Variants in FER1L5 observed in about 807,000 individuals in gnomAD.
FER1L5 encodes fer-1-like protein 5.
Under a neutral mutation model 279.9 loss-of-function variants are expected in FER1L5, and 187 were observed. The ratio of observed to expected loss-of-function variants is 0.67; its 90% CI spans 0.59 to 0.75. FER1L5 has a LOEUF of 0.75. Among genes scored for constraint, FER1L5 ranks in the 30% least tolerant of loss-of-function variants. The pLI, the probability that FER1L5 is intolerant of heterozygous loss-of-function variation, is 0.00. For missense variants in FER1L5, 2,091 were observed against 2,594.4 expected (o/e 0.81, Z 4.21); for synonymous variants, 921 against 989.7 (o/e 0.93, Z 1.30).
chr2:96,685,063 A>T (rs1235997181), intron 20 of FER1L5, among the ~76,000 whole-genome samples: 1 of 151,922 alleles, frequency 6.6e-6, no homozygotes, highest in African/African-American at 2.4e-5. Flanking sequence ...TCTCATGCCT[A>T]TGTGGAGGTC....
At chr2:96,669,612 A>G (rs2076250732) in intron 17 of FER1L5, among the ~76,000 whole-genome samples, 1 of 152,122 alleles carries the variant, frequency 6.6e-6, no homozygotes, top group African/African-American at 2.4e-5. Context: ...GCTGAGGAAG[A>G]ACCACAGGCA....
In FER1L5 at chr2:96,702,593, GC is replaced by G; in HGVS notation, c.5256-3del. ...ATGAGCCACAGGTGATAGGACTCTG[GC>G]CCCAGGTGGTTATACGGGCTGGAGA... is the stretch of plus-strand genomic sequence containing the variant. On this transcript the variant is annotated splice_region_variant and splice_polypyrimidine_tract_variant and intron_variant, in intron 47 of 52. Coordinates refer to ENST00000624922, the MANE Select transcript of FER1L5 (RefSeq NM_001293083.2). This position sits in a 1 kb window ranked among gnomAD's most constrained non-coding sequence, Gnocchi z 4.0. The G allele has an allele frequency of 6.4e-7, 1 of 1,563,328 alleles. No homozygotes were observed. The highest frequency in any genetic ancestry group is 8.7e-7 in the Non-Finnish European group (1 of 1,154,098).
chr2:96,649,155 T>G (rs1460302644), intron 4 of FER1L5, among the ~76,000 whole-genome samples: 1 of 152,074 alleles, frequency 6.6e-6, no homozygotes, highest in African/African-American at 2.4e-5. Context: ...ATTTAGACAC[T>G]TGGGGTGTTC....
At chr2:96,650,391 C>A in intron 6 of FER1L5, 102 bp downstream of exon 6, 4 of 932,622 alleles carry the variant, frequency 4.3e-6, no homozygotes, top group Non-Finnish European at 5.0e-6. Context: ...GGTAGAAGGG[C>A]AGAGCTTCAG....
rs2077274709 is a variant in FER1L5, at chr2:96,694,260, G to T, written c.3637-100G>T. On this transcript the variant is annotated intron_variant, in intron 33 of 52. Transcript: ENST00000624922. This position sits in a 1 kb window ranked among gnomAD's most constrained non-coding sequence, Gnocchi z 4.6. The stretch of plus-strand genomic sequence containing the variant: ...GTCCCCCTGCCAGCCCCTACCCATG[G>T]GGCTCTGGGCTCGGTGAGGCCTCTG... 7.5e-7 allele frequency: 1 copy of T among 1,330,448 alleles called. No individual in the cohort carries two copies. The highest frequency in any genetic ancestry group is 1.0e-6 in the Non-Finnish European group (1 of 992,238). 82.4% of individuals were successfully genotyped at this position (1,330,448 alleles called of 1,614,324 possible). A position where few individuals can be genotyped will look rare whatever the true frequency, so the allele number is the denominator to read the frequency against.
At chr2:96,662,170 G>A (rs563210347) in intron 12 of FER1L5, 45 bp from the exon 13 acceptor site, 1 of 1,545,166 alleles carries the variant, frequency 6.5e-7, no homozygotes. Flanking sequence ...TCCTCCTCCT[G>A]AAAAATGCTG....
At chr2:96,700,261 T>A in intron 44 of FER1L5, 71 bp from the exon 45 acceptor site, 1 of 1,598,918 alleles carries the variant, frequency 6.3e-7, no homozygotes, top group South Asian at 1.1e-5. Context: ...GTCGGGAGGG[T>A]AAGAGCCTAC....
At chr2:96,687,670 C>G in intron 23 of FER1L5, 146 bp from the exon 24 acceptor site, 2 of 1,265,104 alleles carry the variant, frequency 1.6e-6, no homozygotes, top group South Asian at 1.5e-5. Flanking sequence ...CCATGCCATT[C>G]ACTTACAGCT....
At chr2:96,672,830 C>A (rs938714420) in intron 18 of FER1L5, among the ~76,000 whole-genome samples, 2 of 152,256 alleles carry the variant, frequency 1.3e-5, no homozygotes, top group South Asian at 4.1e-4. Flanking sequence ...GACCACCCCC[C>A]TCCCCAGCCA....
At chr2:96,651,095 A>G (rs1431611891) in intron 6 of FER1L5, among the ~76,000 whole-genome samples, 1 of 152,204 alleles carries the variant, frequency 6.6e-6, no homozygotes, top group Non-Finnish European at 1.5e-5. Flanking sequence ...ACACAAGATC[A>G]CAAGATCCAG....
At position 96,690,573 on chromosome 2, in the gene FER1L5, C is replaced by T. The variant is rs2077102634; in HGVS notation, c.2727C>T (p.His909=). Residue 909 remains histidine (H), a synonymous_variant, in exon 27 of 53, where the codon CAC becomes CAT. Coordinates refer to ENST00000624922, the MANE Select transcript of FER1L5 (RefSeq NM_001293083.2). ...FKKDWVVELN[H]AVDSKGWEYG... ...AGGACTGGGTGGTGGAGCTGAACCA[C>T]GCAGTGGACAGTAAGGGTCAGTCGT... is the stretch of plus-strand genomic sequence containing the variant. The T allele has an allele frequency of 2.1e-5, 32 of 1,551,502 alleles. No homozygotes were observed. The highest frequency in any genetic ancestry group is 9.5e-5 in the South Asian group (8 of 84,060).
intron 13 of FER1L5, among the ~76,000 whole-genome samples, chr2:96,663,140 T>C (rs897342654): frequency 4.6e-5 from 7 of 152,244 alleles, no homozygotes; most frequent in Non-Finnish European, 8.8e-5. Context: ...AAAATATATG[T>C]CTATACACTC....
intron 42 of FER1L5, 56 bp from the exon 43 acceptor site, chr2:96,699,494 G>T (rs2077510552): frequency 1.9e-6 from 3 of 1,550,886 alleles, no homozygotes; most frequent in South Asian, 2.4e-5. Flanking sequence ...CGGTGAGGGA[G>T]GGGGGCACAG....
chr2:96,680,284 C>T (rs539919894), intron 19 of FER1L5, among the ~76,000 whole-genome samples: 1 of 151,980 alleles, frequency 6.6e-6, no homozygotes, highest in African/African-American at 2.4e-5. Context: ...AGGCATGCAT[C>T]TCTGCTTATT....
chr2:96,651,701 C>A (rs2075388547), intron 6 of FER1L5, among the ~76,000 whole-genome samples, 191 bp from the exon 7 acceptor site: 1 of 152,002 alleles, frequency 6.6e-6, no homozygotes, highest in South Asian at 2.1e-4. Flanking sequence ...CGGGGTTTTG[C>A]CATGTTGCCC....
intron 19 of FER1L5, among the ~76,000 whole-genome samples, chr2:96,684,039 T>A (rs2076831192): frequency 6.6e-6 from 1 of 152,176 alleles, no homozygotes; most frequent in Non-Finnish European, 1.5e-5. Context: ...ACCGCCTGGC[T>A]ATGCCACCTC....
chr2:96,683,567 C>T (rs916763295), intron 19 of FER1L5, among the ~76,000 whole-genome samples: 3 of 149,552 alleles, frequency 2.0e-5, no homozygotes, highest in African/African-American at 4.9e-5. Context: ...TATGCCTTTC[C>T]GGGGGGGACA....
rs1553446609 is a variant in FER1L5, at chr2:96,651,237, C to CTCTCTCTT, written c.505-652_505-651insCTCTTTCT. On this transcript the variant is annotated intron_variant, in intron 6 of 52. Coordinates refer to ENST00000624922, the MANE Select transcript of FER1L5 (RefSeq NM_001293083.2). ...GGGCTACAACTTTCTTTCTTTCTTT[C>CTCTCTCTT]TCTTTCTTTCTTTCTTTCTTTCTTT... is the stretch of plus-strand genomic sequence containing the variant. Among the ~76,000 whole-genome samples the CTCTCTCTT allele has an allele frequency of 7.0e-5, 9 of 128,624 alleles. No homozygotes were observed. The East Asian group carries it at 1.4e-3, about 20-fold the overall frequency. The allele number at this position is 128,624 out of a possible 152,430, so 84.4% of individuals were successfully genotyped here. A position where few individuals can be genotyped will look rare whatever the true frequency, so the allele number is the denominator to read the frequency against.
chr2:96,686,164 C>T (rs553883244), intron 22 of FER1L5, 31 bp from the exon 23 acceptor site: 233 of 1,547,964 alleles, frequency 1.5e-4, no homozygotes, highest in Admixed American at 7.3e-4. Context: ...GAGCCAGCCG[C>T]GCAGGGCCTG....
Sources: allele counts gnomAD v4.1 joint callset (sites outside exome capture counted in the v4.1 genomes callset), GRCh38; gene constraint gnomAD v4.1.1; non-coding constraint Gnocchi (gnomAD v3.1); transcripts MANE v1.5; gene names NCBI Gene and HGNC (gene_info 2026-07-23, HGNC 2026-07-21).